LUZP2: variants seen among roughly 807,000 people sequenced by gnomAD.
The protein encoded by LUZP2 is leucine zipper protein 2.
Under a neutral mutation model 51.6 loss-of-function variants are expected in LUZP2, and 52 were observed. The ratio of observed to expected loss-of-function variants is 1.01; its 90% confidence interval spans 0.81 to 1.27. LUZP2 has a LOEUF of 1.27. Ranked by LOEUF, LUZP2 falls within the 50% of genes most tolerant of loss-of-function variation. The pLI is 0.00. For synonymous variants in LUZP2, 154 were observed against 137.3 expected, an observed-to-expected ratio of 1.12 and a Z score of -0.85; for missense variants, 436 against 395.4, an observed-to-expected ratio of 1.10 and a Z score of -0.87.
intron 10 of LUZP2, among the ~76,000 whole-genome samples, chr11:25,057,484 A>G (rs977178146): frequency 5.3e-5 from 8 of 152,174 alleles, no homozygotes; most frequent in African/African-American, 1.9e-4. Context: ...TTTAAATGAT[A>G]ATATTGGAGT....
chr11:25,018,692 C>G (rs1411357792), intron 9 of LUZP2, among the ~76,000 whole-genome samples: 3 of 148,038 alleles, frequency 2.0e-5, no homozygotes, highest in Non-Finnish European at 4.5e-5. Context: ...ACTGTAATCT[C>G]TAGCTCCTGG....
chr11:24,643,254 C>CAAAAAAAAAAAAAAAAAAAAAA (rs570616833), intron 1 of LUZP2, among the ~76,000 whole-genome samples: 1 of 75,724 alleles, frequency 1.3e-5, no homozygotes. Flanking sequence ...ACTAAAAGTA[C>CAAAAAAAAAAAAAAAAAAAAAA]AAAAAAAAAA....
intron 1 of LUZP2, among the ~76,000 whole-genome samples, chr11:24,727,117 A>C (rs1385607541): frequency 6.6e-6 from 1 of 152,104 alleles, no homozygotes; most frequent in Non-Finnish European, 1.5e-5. Flanking sequence ...GAAATGAAAC[A>C]ATGTTGTATA....
intron 10 of LUZP2, among the ~76,000 whole-genome samples, chr11:25,053,542 CTT>C (rs35513610): frequency 1.9e-4 from 27 of 145,112 alleles, no homozygotes; most frequent in Non-Finnish European, 1.8e-4. Context: ...TCCCACATGC[CTT>C]TTTTTTTTTT....
At chr11:24,696,375 TC>T (rs1857247329) in intron 1 of LUZP2, among the ~76,000 whole-genome samples, 1 of 152,142 alleles carries the variant, frequency 6.6e-6, no homozygotes, top group Non-Finnish European at 1.5e-5. Context: ...GTTATTTTTC[TC>T]CTTTATAGCT....
intron 4 of LUZP2, among the ~76,000 whole-genome samples, chr11:24,743,877 T>G (rs1859277577): frequency 6.6e-6 from 1 of 152,078 alleles, no homozygotes; most frequent in African/African-American, 2.4e-5. Flanking sequence ...GTATGCTGAT[T>G]TTGCTGAAGG....
chr11:24,551,697 G>T (rs11028006), intron 1 of LUZP2, among the ~76,000 whole-genome samples: 7,013 of 151,932 alleles, frequency 0.046, 502 homozygotes, highest in African/African-American at 0.16. Context: ...TGGAAATATA[G>T]AGGAAAATCA....
intron 7 of LUZP2, among the ~76,000 whole-genome samples, chr11:24,920,703 A>T (rs996715904): frequency 2.6e-5 from 4 of 151,998 alleles, no homozygotes; most frequent in African/African-American, 4.8e-5. Flanking sequence ...TAAAAAAAAA[A>T]ACCTGCATGT....
intron 1 of LUZP2, among the ~76,000 whole-genome samples, chr11:24,619,617 T>G (rs1306227810): frequency 1.3e-5 from 2 of 152,124 alleles, no homozygotes; most frequent in Admixed American, 6.5e-5. Context: ...CCCTCAGTAT[T>G]TATGTGTGAT....
rs77835644 is a variant in LUZP2, at chr11:25,049,775, A to C, written c.766-263A>C. Among the ~76,000 whole-genome samples, 1,169 of 152,240 alleles carry C rather than the reference A, an allele frequency of 7.7e-3. 30 individuals carry two copies. In the East Asian group the frequency reaches 0.093, roughly 12 times the overall value. Reference sequence around the variant, plus strand: ...TACCATGGAAGAAATAAATATTTTCAGTAAGAAAATAATCCCAATGGACAT... The same window carrying C: ...TACCATGGAAGAAATAAATATTTTCCGTAAGAAAATAATCCCAATGGACAT... On this transcript the variant is annotated intron_variant, in intron 9 of 11. Coordinates refer to ENST00000336930, the MANE Select transcript of LUZP2 (RefSeq NM_001009909.4).
chr11:24,628,064 G>A (rs535017098), intron 1 of LUZP2, among the ~76,000 whole-genome samples: 1 of 152,286 alleles, frequency 6.6e-6, no homozygotes, highest in East Asian at 1.9e-4. Context: ...TGATGAAGCA[G>A]TTATAAAGTA....
chr11:24,647,128 T>C (rs1306825137), intron 1 of LUZP2, among the ~76,000 whole-genome samples: 3 of 152,014 alleles, frequency 2.0e-5, no homozygotes, highest in African/African-American at 7.2e-5. Context: ...TTTACTTCTG[T>C]TTCTCAAATA....
In LUZP2 at chr11:24,553,718, A is replaced by C. The variant is rs185589722; in HGVS notation, c.62+56413A>C. ...ACTAGAGATAGAGGAGAAAAAGCTC[A>C]CTCTTGAGCCAAGCTATGGTACGTA... On this transcript the variant is annotated intron_variant, in intron 1 of 11. Coordinates refer to ENST00000336930, the MANE Select transcript of LUZP2 (RefSeq NM_001009909.4). 2.3e-3 allele frequency among the ~76,000 whole-genome samples: 344 copies of C among 152,134 alleles called. 3 individuals carry two copies. Among genetic ancestry groups the C allele is most frequent in the Middle Eastern group, 0.014 (4 of 294 alleles).
chr11:24,658,977 T>C (rs1855915713), intron 1 of LUZP2, among the ~76,000 whole-genome samples: 2 of 152,196 alleles, frequency 1.3e-5, no homozygotes, highest in African/African-American at 2.4e-5. Flanking sequence ...TTGGTGGGAC[T>C]GTAAACTAGT....
At chr11:24,699,270 A>G (rs890897193) in intron 1 of LUZP2, among the ~76,000 whole-genome samples, 3 of 152,064 alleles carry the variant, frequency 2.0e-5, no homozygotes, top group Non-Finnish European at 4.4e-5. Flanking sequence ...TCTTGCTTCA[A>G]TTTTACTAGA....
At chr11:24,756,189 A>G (rs1378176923) in intron 4 of LUZP2, among the ~76,000 whole-genome samples, 1 of 152,082 alleles carries the variant, frequency 6.6e-6, no homozygotes, top group African/African-American at 2.4e-5. Context: ...GATATCTTAC[A>G]TTTTCAGACC....
intron 1 of LUZP2, among the ~76,000 whole-genome samples, chr11:24,728,065 G>A (rs115590480): frequency 0.011 from 1,611 of 152,058 alleles, 26 homozygotes; most frequent in African/African-American, 0.036. Context: ...TTTAACACAT[G>A]AAAATGTGGG....
chr11:24,583,457 T>G (rs1181889192), intron 1 of LUZP2, among the ~76,000 whole-genome samples: 1 of 152,034 alleles, frequency 6.6e-6, no homozygotes, highest in African/African-American at 2.4e-5. Context: ...GGTCGCTGGG[T>G]TGTGTGAGGA....
chr11:24,988,301 C>G (rs1856242865), intron 9 of LUZP2, among the ~76,000 whole-genome samples: 1 of 151,934 alleles, frequency 6.6e-6, no homozygotes, highest in Non-Finnish European at 1.5e-5. Flanking sequence ...ATATTCAAAG[C>G]TTATAATACC....
Sources: allele counts gnomAD v4.1 joint callset (sites outside exome capture counted in the v4.1 genomes callset), GRCh38; gene constraint gnomAD v4.1.1; transcripts MANE v1.5; gene names NCBI Gene and HGNC (gene_info 2026-07-23, HGNC 2026-07-21).